The following TNPO1 variants were observed in gnomAD, a reference collection of about 807,000 sequenced individuals.
TNPO1 encodes the protein transportin-1.
TNPO1 carries 8 observed loss-of-function variants against 119.5 expected under a neutral mutation model. The ratio of observed to expected loss-of-function variants is 0.07; its 90% CI spans 0.04 to 0.12. The LOEUF (loss-of-function observed/expected upper bound fraction) is 0.12. TNPO1 is among the 10% of genes least tolerant of loss of function. The pLI is 1.00. For synonymous variants in TNPO1, 362 were observed against 363.0 expected (o/e 1.00, Z 0.03); for missense variants, 576 against 1,089.8 (o/e 0.53, Z 6.64).
chr5:72,824,083 G>A (rs552499833), intron 1 of TNPO1, among the ~76,000 whole-genome samples: 23 of 152,162 alleles, frequency 1.5e-4, no homozygotes, highest in South Asian at 2.1e-4. Flanking sequence ...CATCTGCTCA[G>A]TACATGGCTG....
rs1163768153 is a variant in TNPO1, at chr5:72,911,001, C to T, written c.*2328C>T. ...TTCACTGGGAGCTCAAAATTTGCCT[C>T]CCTGTTAGTCTTTAATAACTGAGTA... is the stretch of plus-strand genomic sequence containing the variant. On this transcript the variant is annotated 3_prime_UTR_variant, in exon 25 of 25. Coordinates refer to ENST00000337273, the MANE Select transcript of TNPO1 (RefSeq NM_002270.4). 6.6e-6 allele frequency: 1 copy of T among 151,976 alleles called. No individual in the cohort carries two copies. The highest frequency in any genetic ancestry group is 1.9e-4 in the East Asian group (1 of 5,202). The allele number at this position is 151,976 out of a possible 1,614,324, so 9.4% of individuals were successfully genotyped here.
intron 9 of TNPO1, among the ~76,000 whole-genome samples, chr5:72,877,775 G>A (rs1179947385): frequency 4.6e-5 from 7 of 151,904 alleles, no homozygotes; most frequent in African/African-American, 9.7e-5. Context: ...ATATAAGCTC[G>A]TGGGAAAAAA....
intron 12 of TNPO1, among the ~76,000 whole-genome samples, chr5:72,887,473 T>A (rs142032022): frequency 0.01 from 1,530 of 152,274 alleles, 13 homozygotes; most frequent in Middle Eastern, 0.034. Flanking sequence ...GTGGATTACC[T>A]GAGATGGTTT....
At chr5:72,889,561 T>C (rs1748904068) in intron 13 of TNPO1, among the ~76,000 whole-genome samples, 1 of 152,104 alleles carries the variant, frequency 6.6e-6, no homozygotes, top group South Asian at 2.1e-4. Flanking sequence ...ACTTACAGGT[T>C]AGTAGGAAAT....
intron 1 of TNPO1, among the ~76,000 whole-genome samples, chr5:72,822,243 A>G (rs910782951): frequency 6.6e-6 from 1 of 152,216 alleles, no homozygotes; most frequent in South Asian, 2.1e-4. Flanking sequence ...CAAGTTCCAC[A>G]GAAGAGGAAA....
intron 19 of TNPO1, 40 bp downstream of exon 19, chr5:72,896,596 G>A (rs749493647): frequency 1.4e-5 from 21 of 1,542,476 alleles, no homozygotes; most frequent in African/African-American, 1.1e-4. Flanking sequence ...AAGGCCTGGC[G>A]CGGTGGCTCA....
chr5:72,893,285 G>A (rs1749196750), intron 16 of TNPO1, 39 bp downstream of exon 16: 3 of 1,604,526 alleles, frequency 1.9e-6, no homozygotes, highest in Non-Finnish European at 2.6e-6. Context: ...TTGACATGGT[G>A]GACATTTTTC....
chr5:72,858,576 G>A (rs1010240027), intron 4 of TNPO1, among the ~76,000 whole-genome samples: 4 of 152,148 alleles, frequency 2.6e-5, no homozygotes, highest in Admixed American at 1.3e-4. Flanking sequence ...GGTGGCTCAT[G>A]CCTGTAATCC....
intron 3 of TNPO1, 36 bp from the exon 4 acceptor site, chr5:72,855,738 A>C: frequency 6.6e-7 from 1 of 1,521,336 alleles, no homozygotes; most frequent in Non-Finnish European, 8.9e-7. Context: ...AATTAAGACT[A>C]CTTCAAAACT....
In TNPO1 at chr5:72,819,674, G is replaced by A. The variant is rs928141827; in HGVS notation, c.15+2922G>A. Reference sequence around the variant, plus strand: ...ACCGTGAGACCATAAAGTTGGGATTGATATATGCCTTTTTAATGGTTAAAT... The same window carrying A: ...ACCGTGAGACCATAAAGTTGGGATTAATATATGCCTTTTTAATGGTTAAAT... On this transcript the variant is annotated intron_variant, in intron 1 of 24. Coordinates refer to ENST00000337273, the MANE Select transcript of TNPO1 (RefSeq NM_002270.4). Among the ~76,000 whole-genome samples, 2 of 152,180 alleles carry A rather than the reference G, an allele frequency of 1.3e-5. 1 individual carries two copies. Among genetic ancestry groups the A allele is most frequent in the East Asian group, 3.8e-4 (2 of 5,196 alleles).
chr5:72,903,570 TATG>T, intron 22 of TNPO1, 136 bp from the exon 23 acceptor site: 1 of 606,846 alleles, frequency 1.6e-6, no homozygotes, highest in Non-Finnish European at 2.8e-6. Flanking sequence ...TCTAATTCCT[TATG>T]ATCATAGTTA....
chr5:72,906,668 C>G (rs1366164127), intron 24 of TNPO1, among the ~76,000 whole-genome samples: 1 of 152,180 alleles, frequency 6.6e-6, no homozygotes. Context: ...TGGACTCTTG[C>G]TCCTTGAGCT....
chr5:72,841,119 CTT>C (rs1193958768), intron 1 of TNPO1, among the ~76,000 whole-genome samples: 13 of 142,524 alleles, frequency 9.1e-5, no homozygotes, highest in East Asian at 2.0e-4. Flanking sequence ...GACTCTCTCT[CTT>C]TTTTTTTTTT....
At chr5:72,826,301 C>T (rs1311526347) in intron 1 of TNPO1, among the ~76,000 whole-genome samples, 1 of 152,150 alleles carries the variant, frequency 6.6e-6, no homozygotes, top group Non-Finnish European at 1.5e-5. Context: ...CCATGAGCTT[C>T]TGCCCTGTTT....
rs1002179623 is a variant in TNPO1, at chr5:72,890,079, T to TAA, written c.1701+123_1701+124dup. On this transcript the variant is annotated intron_variant, in intron 14 of 24. Transcript: ENST00000337273. ...TGTGAATAGTTAGCGTTAGCTACTT[T>TAA]AAGAGTATAGATCTTACAAAGGCAG... The TAA allele has an allele frequency of 2.8e-6, 3 of 1,080,608 alleles. No individual in the cohort carries two copies. The African/African-American group carries it at 4.8e-5, about 17-fold the overall frequency. The allele number at this position is 1,080,608 out of a possible 1,614,324, so 66.9% of individuals were successfully genotyped here. A position where few individuals can be genotyped will look rare whatever the true frequency, so the allele number is the denominator to read the frequency against.
intron 3 of TNPO1, 63 bp from the exon 4 acceptor site, chr5:72,855,711 T>G (rs1460150617): frequency 7.2e-7 from 1 of 1,389,122 alleles, no homozygotes; most frequent in East Asian, 2.3e-5. Context: ...TTTTTAAAAC[T>G]TATCGGCACA....
chr5:72,816,850 C>G (rs1263585660), intron 1 of TNPO1, 98 bp downstream of exon 1: 3 of 1,402,962 alleles, frequency 2.1e-6, no homozygotes, highest in Non-Finnish European at 9.5e-7. Context: ...AGACGCCGGG[C>G]TCGCCCGCTC....
At chr5:72,892,485 T>A (rs898425165) in intron 15 of TNPO1, among the ~76,000 whole-genome samples, 1 of 152,104 alleles carries the variant, frequency 6.6e-6, no homozygotes, top group Non-Finnish European at 1.5e-5. Flanking sequence ...AAATTTTCTA[T>A]GACCAAGAGC....
chr5:72,863,645 C>T (rs1016250733), intron 5 of TNPO1, among the ~76,000 whole-genome samples: 2 of 151,344 alleles, frequency 1.3e-5, no homozygotes, highest in African/African-American at 4.9e-5. Context: ...CCTGTAATCT[C>T]AGCTACTCTG....
Sources: gnomAD v4.1 joint callset for allele counts (sites outside exome capture counted in the v4.1 genomes callset) on GRCh38, gnomAD v4.1.1 for gene constraint, MANE v1.5 for transcripts, NCBI Gene and HGNC (gene_info 2026-07-23, HGNC 2026-07-21) for gene names.